XPO1: variants seen among roughly 807,000 people sequenced by gnomAD.
The protein encoded by XPO1 is exportin-1.
XPO1 carries 5 observed loss-of-function variants against 133.3 expected under a neutral mutation model. The ratio of observed to expected loss-of-function variants is 0.04; its 90% CI spans 0.02 to 0.08. The LOEUF (loss-of-function observed/expected upper bound fraction) is 0.08. Ranked by LOEUF, XPO1 falls within the 10% of genes least tolerant of loss-of-function variation. The pLI is 1.00. For synonymous variants in XPO1, 419 were observed against 408.2 expected (o/e 1.03, Z -0.32); for missense variants, 506 against 1,267.5 (o/e 0.40, Z 9.12).
intron 11 of XPO1, 150 bp downstream of exon 11, chr2:61,495,305 T>C (rs1697193161): frequency 3.7e-6 from 2 of 546,592 alleles, no homozygotes; most frequent in Non-Finnish European, 5.5e-6. Flanking sequence ...CTTATAACTG[T>C]AATTCAGAAT....
intron 4 of XPO1, among the ~76,000 whole-genome samples, chr2:61,521,368 CAT>C (rs1420724392): frequency 2.0e-5 from 3 of 152,068 alleles, no homozygotes; most frequent in African/African-American, 4.8e-5. Context: ...AGAAATTAGA[CAT>C]ATTTTAAATG....
intron 4 of XPO1, among the ~76,000 whole-genome samples, chr2:61,519,513 T>C (rs967465525): frequency 1.5e-4 from 22 of 147,256 alleles, no homozygotes; most frequent in African/African-American, 4.5e-4. Flanking sequence ...CTGGCTAACA[T>C]AGTGAAACCA....
chr2:61,506,598 C>CAAAAAAAA (rs71405128), intron 4 of XPO1, among the ~76,000 whole-genome samples: 35,746 of 79,824 alleles, frequency 0.45, 9,141 homozygotes, highest in African/African-American at 0.51. Flanking sequence ...GATTCCGTCT[C>CAAAAAAAA]AAAAAAAAAA....
chr2:61,479,056 G>A (rs1696196105), intron 24 of XPO1, 90 bp from the exon 25 acceptor site: 3 of 1,447,784 alleles, frequency 2.1e-6, no homozygotes, highest in South Asian at 2.6e-5. Flanking sequence ...TTTTAGAGAA[G>A]GAAGGAATAT....
At chr2:61,503,137 A>G (rs1051606943) in intron 4 of XPO1, among the ~76,000 whole-genome samples, 2 of 151,286 alleles carry the variant, frequency 1.3e-5, no homozygotes, top group Admixed American at 1.3e-4. Flanking sequence ...TGTATTTTCA[A>G]TAAGAGACAA....
chr2:61,482,348 A>G, intron 23 of XPO1, 32 bp downstream of exon 23: 1 of 1,562,786 alleles, frequency 6.4e-7, no homozygotes, highest in South Asian at 1.2e-5. Context: ...CCCGACCAGG[A>G]ACATTCTACG....
chr2:61,511,504 T>C (rs1228483796), intron 4 of XPO1, among the ~76,000 whole-genome samples: 3 of 152,058 alleles, frequency 2.0e-5, no homozygotes, highest in Admixed American at 6.6e-5. Context: ...ACCTCCTGCC[T>C]GGACTCAAAT....
At chr2:61,489,758 G>A (rs1216795638) in intron 17 of XPO1, among the ~76,000 whole-genome samples, 4 of 151,918 alleles carry the variant, frequency 2.6e-5, no homozygotes, top group South Asian at 4.2e-4. Context: ...GTTTCACTGC[G>A]TTAGCCATGA....
At chr2:61,513,036 TA>T (rs1293860588) in intron 4 of XPO1, among the ~76,000 whole-genome samples, 1 of 151,888 alleles carries the variant, frequency 6.6e-6, no homozygotes, top group Non-Finnish European at 1.5e-5. Flanking sequence ...CCTCACCTCA[TA>T]TACAAAAATT....
intron 9 of XPO1, among the ~76,000 whole-genome samples, chr2:61,498,379 T>G (rs1697344367): frequency 6.6e-6 from 1 of 152,244 alleles, no homozygotes; most frequent in African/African-American, 2.4e-5. Flanking sequence ...CTTTTCATTT[T>G]TCAGAAATAG....
At chr2:61,490,859 T>C in intron 16 of XPO1, 83 bp from the exon 17 acceptor site, 1 of 1,534,742 alleles carries the variant, frequency 6.5e-7, no homozygotes, top group Non-Finnish European at 8.8e-7. Flanking sequence ...ACAAACGTCT[T>C]GAAACTGATT....
rs377244244 is a variant in XPO1 at position 61,512,937 on chromosome 2, T to C, written c.301+9674A>G. On this transcript the variant is annotated intron_variant, in intron 4 of 24. Coordinates refer to ENST00000401558, the MANE Select transcript of XPO1 (RefSeq NM_003400.4). ...GCACCTGTAATCTGGCAGGTGGAGT[T>C]TGCAGTGAGCCAAGATCGCGCCACT... Among the ~76,000 whole-genome samples, 45 of 152,094 alleles carry C rather than the reference T, an allele frequency of 3.0e-4. No individual in the cohort carries two copies. In the East Asian group the frequency reaches 6.2e-3, roughly 21 times the overall value.
intron 3 of XPO1, chr2:61,526,004 A>G: frequency 9.4e-7 from 1 of 1,062,072 alleles, no homozygotes; most frequent in Non-Finnish European, 1.1e-6. Flanking sequence ...GTCCCATTAG[A>G]AGCCCAATGC....
intron 17 of XPO1, among the ~76,000 whole-genome samples, chr2:61,488,983 T>A (rs1479426882): frequency 1.3e-5 from 2 of 151,840 alleles, no homozygotes; most frequent in Non-Finnish European, 2.9e-5. Context: ...CCGCCTGTAG[T>A]CCCACCTACT....
intron 3 of XPO1, among the ~76,000 whole-genome samples, chr2:61,524,978 A>C (rs1698854630): frequency 6.6e-6 from 1 of 152,088 alleles, no homozygotes; most frequent in South Asian, 2.1e-4. Flanking sequence ...TGACAGTCAA[A>C]TCTGAAAGCC....
intron 5 of XPO1, 67 bp from the exon 6 acceptor site, chr2:61,502,107 C>T: frequency 6.6e-7 from 1 of 1,525,824 alleles, no homozygotes; most frequent in Admixed American, 1.9e-5. Context: ...ACCAGACAAT[C>T]CTAACAAATG....
chr2:61,483,839 T>G, intron 21 of XPO1, 98 bp downstream of exon 21: 1 of 1,389,372 alleles, frequency 7.2e-7, no homozygotes, highest in Admixed American at 2.1e-5. Flanking sequence ...ATTCACACAC[T>G]CAAAACTCTG....
chr2:61,516,218 T>C (rs935507170), intron 4 of XPO1, among the ~76,000 whole-genome samples: 4 of 150,290 alleles, frequency 2.7e-5, no homozygotes, highest in Admixed American at 2.7e-4. Flanking sequence ...GGCAGGAGAA[T>C]AGCTTGAACC....
intron 16 of XPO1, 65 bp from the exon 17 acceptor site, chr2:61,490,841 A>C (rs1246188668): frequency 4.5e-6 from 7 of 1,568,556 alleles, no homozygotes; most frequent in Non-Finnish European, 6.0e-6. Flanking sequence ...ACCACACACA[A>C]GCAATTCACA....
Sources: gnomAD v4.1 joint callset for allele counts (sites outside exome capture counted in the v4.1 genomes callset) on GRCh38, gnomAD v4.1.1 for gene constraint, MANE v1.5 for transcripts, NCBI Gene and HGNC (gene_info 2026-07-23, HGNC 2026-07-21) for gene names.